The following GABRG3 variants were observed in gnomAD, a reference collection of about 807,000 sequenced individuals.
The protein encoded by GABRG3 is gamma-aminobutyric acid receptor subunit gamma-3.
GABRG3 carries 25 observed loss-of-function variants against 48.8 expected under a neutral mutation model. That is an observed-to-expected ratio of 0.51 (90% CI 0.37 to 0.72). The LOEUF (loss-of-function observed/expected upper bound fraction) is 0.72. Among genes scored for constraint, GABRG3 ranks in the 30% least tolerant of loss-of-function variants. The pLI is 0.00. For missense variants in GABRG3, 394 were observed against 577.9 expected, an observed-to-expected ratio of 0.68 and a Z score of 3.26; for synonymous variants, 227 against 217.6, an observed-to-expected ratio of 1.04 and a Z score of -0.38.
At chr15:27,225,294 C>G (rs1889575812) in intron 3 of GABRG3, among the ~76,000 whole-genome samples, 1 of 152,054 alleles carries the variant, frequency 6.6e-6, no homozygotes, top group Non-Finnish European at 1.5e-5. Context: ...CTTCGCTTCC[C>G]AGACACCGCC....
chr15:27,305,148 C>G (rs1892352736), intron 3 of GABRG3, among the ~76,000 whole-genome samples: 1 of 151,772 alleles, frequency 6.6e-6, no homozygotes, highest in South Asian at 2.1e-4. Context: ...ATTCCAATGT[C>G]TCTGCATCAT....
Position 27,518,369 on chromosome 15 carries a change from C to CAA in GABRG3, c.713-1591_713-1590dup, listed in dbSNP as rs3058095. Reference sequence around the variant, plus strand: ...GGGTGACAAGAGTGAAACTCTGTCTCAAAAAAAAAAAAATGGGACATCAGT... The same window carrying CAA: ...GGGTGACAAGAGTGAAACTCTGTCTCAAAAAAAAAAAAAAATGGGACATCAGT... On this transcript the variant is annotated intron_variant, in intron 6 of 9. Coordinates refer to ENST00000615808, the MANE Select transcript of GABRG3 (RefSeq NM_033223.5). Among the ~76,000 whole-genome samples, 18 of 126,898 alleles carry CAA rather than the reference C, an allele frequency of 1.4e-4. 2 individuals are homozygous for CAA. Among genetic ancestry groups the CAA allele is most frequent in the Admixed American group, 3.2e-4 (4 of 12,344 alleles). 83.3% of individuals were successfully genotyped at this position (126,898 alleles called of 152,430 possible). A position where few individuals can be genotyped will look rare whatever the true frequency, so the allele number is the denominator to read the frequency against.
chr15:27,080,597 A>G (rs889015834), intron 3 of GABRG3, among the ~76,000 whole-genome samples: 2 of 152,208 alleles, frequency 1.3e-5, no homozygotes, highest in Non-Finnish European at 2.9e-5. Flanking sequence ...TGGGCAACAC[A>G]GCGAGACCTT....
At chr15:27,387,876 A>G (rs1595719890) in intron 5 of GABRG3, among the ~76,000 whole-genome samples, 2 of 51,018 alleles carry the variant, frequency 3.9e-5, no homozygotes, top group African/African-American at 1.6e-4. Context: ...GGAGGGAGGG[A>G]GGGAGGGGAA....
At chr15:27,369,739 G>A (rs1895336699) in intron 5 of GABRG3, among the ~76,000 whole-genome samples, 2 of 149,216 alleles carry the variant, frequency 1.3e-5, no homozygotes, top group African/African-American at 5.0e-5. Context: ...CCCGGGAGGT[G>A]GAGGTTGCAG....
chr15:27,365,806 AT>A (rs1456829965), intron 5 of GABRG3: 7 of 152,330 alleles, frequency 4.6e-5, no homozygotes, highest in African/African-American at 1.4e-4. Context: ...TCTGTTGGAG[AT>A]GAAGCCAAGA....
chr15:27,396,115 C>T (rs189824729), intron 5 of GABRG3, among the ~76,000 whole-genome samples: 178 of 152,338 alleles, frequency 1.2e-3, no homozygotes, highest in African/African-American at 4.0e-3. Flanking sequence ...CTGCCTGCCT[C>T]GGCCTCCCAA....
intron 3 of GABRG3, among the ~76,000 whole-genome samples, chr15:27,305,655 C>T (rs1892389648): frequency 1.0e-5 from 1 of 100,190 alleles, no homozygotes; most frequent in Non-Finnish European, 2.1e-5. Context: ...TATATATAAA[C>T]ATATATAATA....
chr15:27,323,040 C>T (rs377531442), intron 3 of GABRG3, among the ~76,000 whole-genome samples: 4 of 152,142 alleles, frequency 2.6e-5, no homozygotes, highest in African/African-American at 4.8e-5. Context: ...TCTTAAAGTG[C>T]TTTATGGGGA....
At chr15:27,113,594 T>C (rs1362103623) in intron 3 of GABRG3, among the ~76,000 whole-genome samples, 1 of 152,176 alleles carries the variant, frequency 6.6e-6, no homozygotes, top group East Asian at 1.9e-4. Flanking sequence ...CATTATACAT[T>C]TACAGCAGAG....
At chr15:27,460,894 T>G (rs1889427975) in intron 5 of GABRG3, among the ~76,000 whole-genome samples, 1 of 152,088 alleles carries the variant, frequency 6.6e-6, no homozygotes, top group Non-Finnish European at 1.5e-5. Flanking sequence ...CTTATTTACT[T>G]CTCAGGGCTA....
At chr15:27,071,877 G>T (rs1018871952) in intron 3 of GABRG3, among the ~76,000 whole-genome samples, 1 of 152,210 alleles carries the variant, frequency 6.6e-6, no homozygotes, top group African/African-American at 2.4e-5. Flanking sequence ...TACTTGATTA[G>T]TTGATTACTT....
chr15:27,050,109 G>T (rs371834073), intron 3 of GABRG3, among the ~76,000 whole-genome samples: 1 of 152,152 alleles, frequency 6.6e-6, no homozygotes, highest in African/African-American at 2.4e-5. Flanking sequence ...GGTACATCCC[G>T]TTCTGATACC....
intron 3 of GABRG3, among the ~76,000 whole-genome samples, chr15:27,040,363 A>G (rs1411464169): frequency 6.6e-6 from 1 of 152,240 alleles, no homozygotes; most frequent in Non-Finnish European, 1.5e-5. Flanking sequence ...CCCATAGGGC[A>G]TAGCTGACTG....
At chr15:27,145,595 A>ATATC (rs1555405965) in intron 3 of GABRG3, among the ~76,000 whole-genome samples, 28 of 63,008 alleles carry the variant, frequency 4.4e-4, no homozygotes, top group Middle Eastern at 0.01. Context: ...ATATATACAT[A>ATATC]TATCTATCTC....
chr15:27,020,624 A>G (rs1348480855), intron 2 of GABRG3, among the ~76,000 whole-genome samples: 2 of 151,304 alleles, frequency 1.3e-5, no homozygotes, highest in Non-Finnish European at 2.9e-5. Context: ...TCACTGTGTT[A>G]GCCAGGATGG....
At chr15:27,354,867 T>C (rs1436592396) in intron 5 of GABRG3, among the ~76,000 whole-genome samples, 1 of 152,222 alleles carries the variant, frequency 6.6e-6, no homozygotes, top group Non-Finnish European at 1.5e-5. Flanking sequence ...CAGCACCACA[T>C]GCTCAGTACA....
chr15:27,270,463 G>A (rs931593484), intron 3 of GABRG3, among the ~76,000 whole-genome samples: 1 of 152,186 alleles, frequency 6.6e-6, no homozygotes, highest in African/African-American at 2.4e-5. Flanking sequence ...TCTATTGAAA[G>A]ATAGTAAGTG....
chr15:27,211,308 A>G (rs551329678), intron 3 of GABRG3, among the ~76,000 whole-genome samples: 3 of 152,350 alleles, frequency 2.0e-5, no homozygotes, highest in African/African-American at 4.8e-5. Context: ...GAAACATTCA[A>G]CAGGAACTGT....
Sources: allele counts gnomAD v4.1 joint callset (sites outside exome capture counted in the v4.1 genomes callset), GRCh38; gene constraint gnomAD v4.1.1; transcripts MANE v1.5; gene names NCBI Gene and HGNC (gene_info 2026-07-23, HGNC 2026-07-21).